Variants in KNL1 observed in about 807,000 individuals in gnomAD.
KNL1 encodes the protein kinetochore scaffold 1, also known as outer kinetochore KNL1 complex subunit KNL1.
A neutral mutation model predicts 201.3 loss-of-function variants in KNL1; 66 were observed. The observed-to-expected ratio is 0.33, with a 90% CI of 0.27 to 0.40. KNL1 has a LOEUF of 0.40. Ranked by LOEUF, KNL1 falls within the 10% of genes least tolerant of loss-of-function variation. The pLI, the probability that KNL1 is intolerant of heterozygous loss-of-function variation, is 1.00. For synonymous variants in KNL1, 895 were observed against 899.2 expected (o/e 1.00, Z 0.08); for missense variants, 2,815 against 2,690.5 (o/e 1.05, Z -1.02).
chr15:40,608,811 T>C, intron 4 of KNL1, 36 bp from the exon 5 acceptor site: 12 of 1,464,404 alleles, frequency 8.2e-6, no homozygotes, highest in Non-Finnish European at 1.1e-5. Flanking sequence ...CACAGTGATT[T>C]TATTAAGAAT....
intron 1 of KNL1, among the ~76,000 whole-genome samples, chr15:40,597,000 CAAAAA>C (rs35126045): frequency 1.1e-5 from 1 of 90,538 alleles, no homozygotes. Context: ...AACTCCATCT[CAAAAA>C]AAAAAAAAAA....
At chr15:40,601,653 A>G (rs1373558717) in intron 1 of KNL1, among the ~76,000 whole-genome samples, 1 of 151,632 alleles carries the variant, frequency 6.6e-6, no homozygotes, top group African/African-American at 2.4e-5. Context: ...CCCCGTCTCT[A>G]CTAAAAATAC....
At chr15:40,634,714 GA>G (rs1893006645) in intron 13 of KNL1, among the ~76,000 whole-genome samples, 1 of 152,126 alleles carries the variant, frequency 6.6e-6, no homozygotes, top group East Asian at 1.9e-4. Context: ...AGGGAAAGTA[GA>G]AAGAGTATTA....
rs926224442 is a variant in KNL1 at position 40,635,303 on chromosome 15, C to T, written c.5683-5609C>T. Among the ~76,000 whole-genome samples, 10 of 152,018 alleles carry T rather than the reference C, an allele frequency of 6.6e-5. No homozygotes were observed. In the East Asian group the frequency reaches 1.9e-3, roughly 29 times the overall value. On this transcript the variant is annotated intron_variant, in intron 13 of 25. Coordinates refer to ENST00000399668, the MANE Select transcript of KNL1 (RefSeq NM_144508.5). ...TCCTGACCTCGTGATCTGCCCACCT[C>T]AGCCTCCCAAAGTGCTGGGATTACA...
rs933099265 is a variant in KNL1 at position 40,625,179 on chromosome 15, A to G, written c.4915A>G (p.Thr1639Ala). The change falls in exon 10 of 26, where the codon ACA becomes GCA. Residue 1639 changes from threonine to alanine, a missense_variant. By Grantham distance (58) the Thr-to-Ala change is moderately conservative. Around this residue, in one of 3 missense-constraint regions of KNL1, gnomAD observed 2,464 missense variants for 2,291.7 expected, o/e 1.08. Transcript: ENST00000399668. Reference protein sequence around the residue: ...GAETTSLPPKTVFKDKVRRCS... With the variant: ...GAETTSLPPKAVFKDKVRRCS... The stretch of plus-strand genomic sequence containing the variant: ...TGAAACCACCTCTCTACCGCCAAAG[A>G]CAGTTTTTAAAGATAAAGTAAGGAG... The G allele has an allele frequency of 1.9e-6, 3 of 1,613,924 alleles. No individual in the cohort carries two copies. The highest frequency in any genetic ancestry group is 1.7e-5 in the Admixed American group (1 of 59,980).
chr15:40,659,405 C>G lies in KNL1; in HGVS notation c.6780C>G (p.Ala2260=), dbSNP rs758024723. 3 of 1,613,488 alleles carry G rather than the reference C, an allele frequency of 1.9e-6. No homozygotes were observed. Among genetic ancestry groups the G allele is most frequent in the South Asian group, 2.2e-5 (2 of 91,084 alleles). Residue 2260 remains alanine, a synonymous_variant, in exon 25 of 26, where the codon GCC becomes GCG. Transcript: ENST00000399668. ...AKFEITLFLS[A]YYPSVPLPST... is the part of the protein sequence containing the mutation. ...TTGAAATAACTTTGTTTCTCTCAGC[C>G]TATTATCCATCTGTACCATTACCTT...
At chr15:40,613,332 A>G (rs1167625570) in intron 7 of KNL1, among the ~76,000 whole-genome samples, 1 of 152,188 alleles carries the variant, frequency 6.6e-6, no homozygotes, top group Non-Finnish European at 1.5e-5. Context: ...ATATATGCAT[A>G]ATATCTCTGG....
chr15:40,608,938 T>G (rs951954562), intron 5 of KNL1, 30 bp downstream of exon 5: 1 of 1,455,340 alleles, frequency 6.9e-7, no homozygotes, highest in Non-Finnish European at 9.6e-7. Context: ...AACTAAAATA[T>G]TATAGGTACT....
intron 21 of KNL1, among the ~76,000 whole-genome samples, chr15:40,654,392 T>C (rs1893657850): frequency 6.6e-6 from 1 of 152,072 alleles, no homozygotes; most frequent in African/African-American, 2.4e-5. Context: ...GTACTACCTT[T>C]TAAATGTCCT....
rs1892484651 is a variant in KNL1, at chr15:40,620,573, A to G, written c.376-67A>G. 7 of 948,918 alleles carry G rather than the reference A, an allele frequency of 7.4e-6. No homozygotes were observed. The Admixed American group carries it at 1.7e-4, about 23-fold the overall frequency. The allele number at this position is 948,918 out of a possible 1,614,324, so 58.8% of individuals were successfully genotyped here. ...TCACTGAGGATTTTTTATATAATAC[A>G]TGTTGTAAAATGCCTTTTTAAAAGT... On this transcript the variant is annotated intron_variant, in intron 9 of 25. Transcript: ENST00000399668.
chr15:40,649,755 C>T (rs745431457), intron 17 of KNL1, among the ~76,000 whole-genome samples: 1 of 152,210 alleles, frequency 6.6e-6, no homozygotes, highest in Non-Finnish European at 1.5e-5. Flanking sequence ...TAGGCACATG[C>T]CACTAGCCTG....
chr15:40,644,345 T>C (rs1273535194), intron 14 of KNL1, among the ~76,000 whole-genome samples: 1 of 152,200 alleles, frequency 6.6e-6, no homozygotes, highest in Non-Finnish European at 1.5e-5. Flanking sequence ...GCTGCAAACA[T>C]GTCTCGCCTC....
Position 40,645,688 on chromosome 15 carries a change from A to G in KNL1, c.5922A>G (p.Ile1974Met), listed in dbSNP as rs778997281. 6.2e-7 allele frequency: 1 copy of G among 1,608,684 alleles called. No homozygotes were observed. Among genetic ancestry groups the G allele is most frequent in the South Asian group, 1.1e-5 (1 of 89,890 alleles). ...CCTTTGGAATTTATCTTAACAAAAT[A>G]AAGTCATGTTTTACCAAGATGACTA... ...LKAFGIYLNK[I>M]KSCFTKMTKV... The change falls in exon 16 of 26, where the codon ATA (isoleucine) becomes ATG (methionine). Residue 1974 changes from isoleucine to methionine, a missense_variant. By Grantham distance (10) the Ile-to-Met change is conservative. Coordinates refer to ENST00000399668, the MANE Select transcript of KNL1 (RefSeq NM_144508.5).
At chr15:40,614,675 G>A (rs1892284199) in intron 7 of KNL1, among the ~76,000 whole-genome samples, 1 of 152,148 alleles carries the variant, frequency 6.6e-6, no homozygotes, top group Non-Finnish European at 1.5e-5. Context: ...GGATTGCCTA[G>A]TAATATGTCT....
intron 13 of KNL1, among the ~76,000 whole-genome samples, chr15:40,631,182 T>G (rs994078484): frequency 1.3e-5 from 2 of 152,112 alleles, no homozygotes; most frequent in East Asian, 3.8e-4. Flanking sequence ...TAAATGTGCT[T>G]GAATCATCCT....
rs1348895611 is a variant in KNL1, at chr15:40,632,610, A to C, written c.5682+3239A>C. On this transcript the variant is annotated intron_variant, in intron 13 of 25. Transcript: ENST00000399668. The stretch of plus-strand genomic sequence containing the variant: ...GAGCCGGACCCTGTCTCAAAAAAAA[A>C]CGAAGAAAGTGAAAAGGCAACCCAC... Among the ~76,000 whole-genome samples, 4 of 152,312 alleles carry C rather than the reference A, an allele frequency of 2.6e-5. No individual in the cohort carries two copies. In the East Asian group the frequency reaches 5.8e-4, roughly 22 times the overall value.
At chr15:40,656,470 T>C (rs1210118051) in intron 22 of KNL1, among the ~76,000 whole-genome samples, 1 of 152,178 alleles carries the variant, frequency 6.6e-6, no homozygotes, top group Non-Finnish European at 1.5e-5. Flanking sequence ...AACTCAGGTC[T>C]GTGTTACATG....
Position 40,624,429 on chromosome 15 carries a change from C to G in KNL1, c.4165C>G (p.Gln1389Glu), listed in dbSNP as rs762140154. 6.2e-7 allele frequency: 1 copy of G among 1,613,914 alleles called. No homozygotes were observed. Among genetic ancestry groups the G allele is most frequent in the Non-Finnish European group, 8.5e-7 (1 of 1,179,906 alleles). The change falls in exon 10 of 26, where the codon CAA becomes GAA. Residue 1389 changes from glutamine (Q) to glutamate (E), a missense_variant. Coordinates refer to ENST00000399668, the MANE Select transcript of KNL1 (RefSeq NM_144508.5). ...CTGTGTTATAACACTGCACAAAGAT[C>G]AAGATCTGATTAAGGATCCACGAAA... Reference protein sequence around the residue: ...LDCVITLHKDQDLIKDPRNLL... With the variant: ...LDCVITLHKDEDLIKDPRNLL...
chr15:40,645,253 A>G (rs915958057), intron 15 of KNL1, among the ~76,000 whole-genome samples, 166 bp downstream of exon 15: 3 of 152,212 alleles, frequency 2.0e-5, no homozygotes, highest in African/African-American at 7.2e-5. Flanking sequence ...TTGTTAATAT[A>G]TAATCTTTTC....
Sources: allele counts gnomAD v4.1 joint callset (sites outside exome capture counted in the v4.1 genomes callset), GRCh38; gene constraint gnomAD v4.1.1; regional missense constraint gnomAD v4.1.1; transcripts MANE v1.5; gene names NCBI Gene and HGNC (gene_info 2026-07-23, HGNC 2026-07-21).